VPS13B: variants seen among roughly 807,000 people sequenced by gnomAD.
The protein encoded by VPS13B is vacuolar protein sorting 13 homolog B, also known as intermembrane lipid transfer protein VPS13B.
A neutral mutation model predicts 426.4 loss-of-function variants in VPS13B; 285 were observed. That is an observed-to-expected ratio of 0.67 (90% CI 0.61 to 0.74). The LOEUF is 0.74. Ranked by LOEUF, VPS13B falls within the 30% of genes least tolerant of loss-of-function variation. The probability of loss-of-function intolerance (pLI) is 0.00; values close to 1 mark genes in which losing one functional copy is unlikely to be tolerated. For missense variants in VPS13B, 4,537 were observed against 4,782.6 expected (o/e 0.95, Z 1.51); for synonymous variants, 1,676 against 1,676.4 (o/e 1.00, Z 0.01).
Position 99,575,664 on chromosome 8 carries a change from G to T in VPS13B, c.4956G>T (p.Arg1652=), listed in dbSNP as rs192128754. 1.9e-6 allele frequency: 3 copies of T among 1,613,800 alleles called. No homozygotes were observed. In the African/African-American group the frequency reaches 4.0e-5, roughly 22 times the overall value. Residue 1652 remains arginine, a synonymous_variant, in exon 32 of 62, where the codon CGG becomes CGT. Transcript: ENST00000357162. ...CTTTTACTCTATCTTTTAGCATACG[G>T]CGGCATCAAGAAAGGAGAGCAATTT... The part of the protein sequence containing the change: ...ALEWNMASSI[R]RHQERRAILT...
chr8:99,616,708 C>A (rs1409287821), intron 33 of VPS13B, among the ~76,000 whole-genome samples: 1 of 152,158 alleles, frequency 6.6e-6, no homozygotes, highest in Non-Finnish European at 1.5e-5. Context: ...GCCTGTAATC[C>A]CAGCTACTCA....
intron 16 of VPS13B, among the ~76,000 whole-genome samples, chr8:99,171,434 C>T (rs1812324175): frequency 6.6e-6 from 1 of 151,810 alleles, no homozygotes; most frequent in Admixed American, 6.6e-5. Flanking sequence ...AGTTTTATTG[C>T]AAACAGTGCA....
chr8:99,119,019 C>G (rs1376244571), intron 7 of VPS13B, among the ~76,000 whole-genome samples: 3 of 152,122 alleles, frequency 2.0e-5, no homozygotes, highest in Admixed American at 6.5e-5. Context: ...TGCAGTTGGC[C>G]TACATCCTTG....
chr8:99,733,888 C>A (rs1239905439), intron 39 of VPS13B, among the ~76,000 whole-genome samples: 1 of 152,138 alleles, frequency 6.6e-6, no homozygotes, highest in Non-Finnish European at 1.5e-5. Flanking sequence ...ACACATCATA[C>A]AATTCCCTAA....
intron 33 of VPS13B, among the ~76,000 whole-genome samples, chr8:99,606,624 C>CTTTTT (rs1193844207): frequency 2.3e-4 from 32 of 137,222 alleles, no homozygotes; most frequent in East Asian, 4.9e-4. Context: ...TTTTCTTTTT[C>CTTTTT]TTTTCTTTTT....
At chr8:99,313,375 T>G (rs1400612401) in intron 19 of VPS13B, among the ~76,000 whole-genome samples, 2 of 152,228 alleles carry the variant, frequency 1.3e-5, no homozygotes, top group Non-Finnish European at 2.9e-5. Flanking sequence ...TTTGTTAGTT[T>G]TCCTGCTAAC....
chr8:99,204,349 A>G (rs1312616006), intron 17 of VPS13B, among the ~76,000 whole-genome samples: 1 of 152,222 alleles, frequency 6.6e-6, no homozygotes, highest in Non-Finnish European at 1.5e-5. Context: ...ATCTTATACA[A>G]AAATTAACTC....
intron 56 of VPS13B, among the ~76,000 whole-genome samples, chr8:99,856,658 T>C (rs996964502): frequency 3.3e-5 from 5 of 152,164 alleles, no homozygotes; most frequent in Admixed American, 1.3e-4. Flanking sequence ...CTGGGCAACA[T>C]GGTGAAACCC....
intron 33 of VPS13B, among the ~76,000 whole-genome samples, chr8:99,631,056 T>C (rs1448767331): frequency 6.6e-6 from 1 of 152,132 alleles, no homozygotes; most frequent in African/African-American, 2.4e-5. Context: ...ATTAGATATG[T>C]TGTTTATGAT....
rs773598700 is a variant in VPS13B, at chr8:99,096,443, A to G, written c.412+11A>G. ...CTGACTTACCACCAGGTAACTTCTAATGGGATCAATAAAACCAAATTTCAA... is the reference window on the plus strand; with the variant it reads ...CTGACTTACCACCAGGTAACTTCTAGTGGGATCAATAAAACCAAATTTCAA... On this transcript the variant is annotated intron_variant, in intron 4 of 61. Transcript: ENST00000357162. 1.2e-6 allele frequency: 2 copies of G among 1,613,774 alleles called. No homozygotes were observed. The highest frequency in any genetic ancestry group is 2.2e-5 in the South Asian group (2 of 91,082).
intron 39 of VPS13B, among the ~76,000 whole-genome samples, chr8:99,724,511 G>A (rs906280048): frequency 1.3e-4 from 20 of 151,744 alleles, no homozygotes; most frequent in Admixed American, 6.6e-4. Flanking sequence ...CCCACCCCCC[G>A]CCTTATTTTA....
At chr8:99,815,049 G>T (rs1308165100) in intron 44 of VPS13B, among the ~76,000 whole-genome samples, 1 of 143,388 alleles carries the variant, frequency 7.0e-6, no homozygotes, top group African/African-American at 2.5e-5. Context: ...TAAGGTTGCT[G>T]TGAGAATGTG....
intron 33 of VPS13B, among the ~76,000 whole-genome samples, chr8:99,621,774 A>G (rs1275988932): frequency 1.4e-5 from 2 of 143,018 alleles, no homozygotes; most frequent in African/African-American, 2.6e-5. Context: ...AAAGACTCTT[A>G]TCTACATTCA....
intron 17 of VPS13B, among the ~76,000 whole-genome samples, chr8:99,235,578 A>G (rs1025812442): frequency 2.0e-5 from 3 of 152,190 alleles, no homozygotes; most frequent in African/African-American, 7.2e-5. Context: ...ACATTTTTTT[A>G]GAGGCTAGTT....
chr8:99,589,840 T>C (rs1207746405), intron 33 of VPS13B, among the ~76,000 whole-genome samples: 1 of 152,156 alleles, frequency 6.6e-6, no homozygotes, highest in African/African-American at 2.4e-5. Flanking sequence ...ATCAGGATGA[T>C]GTTGGCCTCA....
intron 35 of VPS13B, among the ~76,000 whole-genome samples, chr8:99,690,616 AATC>A (rs1381922080): frequency 2.6e-5 from 4 of 152,062 alleles, no homozygotes; most frequent in Admixed American, 6.6e-5. Flanking sequence ...CAAATATAAT[AATC>A]TTATATTTTA....
chr8:99,707,515 C>A (rs1832539694), intron 36 of VPS13B, among the ~76,000 whole-genome samples: 1 of 152,066 alleles, frequency 6.6e-6, no homozygotes, highest in Non-Finnish European at 1.5e-5. Flanking sequence ...CTTTATTATC[C>A]TTTTCTCCCA....
At chr8:99,716,305 T>C (rs1168632641) in intron 36 of VPS13B, among the ~76,000 whole-genome samples, 5 of 152,120 alleles carry the variant, frequency 3.3e-5, no homozygotes, top group African/African-American at 1.2e-4. Flanking sequence ...CCTAAGGTGT[T>C]TTTTAATCTT....
chr8:99,739,351 G>A (rs902595624), intron 39 of VPS13B, among the ~76,000 whole-genome samples: 4 of 152,216 alleles, frequency 2.6e-5, no homozygotes, highest in African/African-American at 4.8e-5. Context: ...GGAGCCCACC[G>A]CAGCTCAAGG....
Sources: allele counts gnomAD v4.1 joint callset (sites outside exome capture counted in the v4.1 genomes callset), GRCh38; gene constraint gnomAD v4.1.1; transcripts MANE v1.5; gene names NCBI Gene and HGNC (gene_info 2026-07-23, HGNC 2026-07-21).